ORC4: variants seen among roughly 807,000 people sequenced by gnomAD.
ORC4 encodes the protein origin recognition complex subunit 4.
Under a neutral mutation model 63.9 loss-of-function variants are expected in ORC4, and 55 were observed. That is an observed-to-expected ratio of 0.86 (90% confidence interval 0.69 to 1.08). ORC4 has a LOEUF of 1.08. Ranked by LOEUF, ORC4 falls within the 50% of genes least tolerant of loss-of-function variation. The pLI, the probability that ORC4 is intolerant of heterozygous loss-of-function variation, is 0.00. For synonymous variants in ORC4, 150 were observed against 168.5 expected, an observed-to-expected ratio of 0.89 and a Z score of 0.85; for missense variants, 511 against 504.4, an observed-to-expected ratio of 1.01 and a Z score of -0.13.
At chr2:148,011,084 C>A (rs915719882) in intron 1 of ORC4, among the ~76,000 whole-genome samples, 1 of 152,108 alleles carries the variant, frequency 6.6e-6, no homozygotes, top group African/African-American at 2.4e-5. Flanking sequence ...CTGCCTCAGC[C>A]TCCCAAAGTT....
rs765200583 is a variant in ORC4, at chr2:147,952,406, G to T, written c.555C>A (p.Thr185=). Reference sequence around the variant, plus strand: ...ATGTAAGACCAATAACTGCTATTGGGGTCTGTGCAGACTGAGAAATGTCAA... The same window carrying T: ...ATGTAAGACCAATAACTGCTATTGGTGTCTGTGCAGACTGAGAAATGTCAA... ...NLFDISQSAQ[T]PIAVIGLTCR... Residue 185 remains threonine (T), a synonymous_variant, in exon 8 of 14, where the codon ACC becomes ACA. Coordinates refer to ENST00000392857, the MANE Select transcript of ORC4 (RefSeq NM_181741.4). 1 of 1,609,396 alleles carries T rather than the reference G, an allele frequency of 6.2e-7. No individual in the cohort carries two copies. Among genetic ancestry groups the T allele is most frequent in the East Asian group, 2.2e-5 (1 of 44,750 alleles).
At chr2:147,991,245 A>G (rs1402134930) in intron 1 of ORC4, among the ~76,000 whole-genome samples, 1 of 151,798 alleles carries the variant, frequency 6.6e-6, no homozygotes. Context: ...ATGGGGTTTC[A>G]CCATATTGGC....
chr2:147,953,269 T>C (rs967706553), intron 7 of ORC4, among the ~76,000 whole-genome samples: 9 of 151,382 alleles, frequency 5.9e-5, no homozygotes, highest in African/African-American at 2.2e-4. Context: ...CACACCATTG[T>C]ATTCTAGCCT....
intron 1 of ORC4, among the ~76,000 whole-genome samples, chr2:148,019,164 G>A (rs765532720): frequency 6.6e-6 from 1 of 151,940 alleles, no homozygotes; most frequent in Non-Finnish European, 1.5e-5. Flanking sequence ...TGATTCCATC[G>A]GACATGATTA....
rs1045498245 is a variant in ORC4 at position 147,931,367 on chromosome 2, T to C, written c.*4143A>G. 5 of 152,080 alleles carry C rather than the reference T, an allele frequency of 3.3e-5. No individual in the cohort carries two copies. Among genetic ancestry groups the C allele is most frequent in the African/African-American group, 7.2e-5 (3 of 41,414 alleles). The allele number at this position is 152,080 out of a possible 1,614,324, so 9.4% of individuals were successfully genotyped here. ...CATGATTTATAGTCCTTTGGGTATA[T>C]ACCCAGTAATGGGATGGCTGGGTCA... On this transcript the variant is annotated 3_prime_UTR_variant, in exon 14 of 14. Coordinates refer to ENST00000392857, the MANE Select transcript of ORC4 (RefSeq NM_181741.4).
Position 147,948,165 on chromosome 2 carries a change from G to A in ORC4, c.648C>T (p.His216=). The change falls in exon 9 of 14, where the codon CAC becomes CAT. Residue 216 remains histidine, a synonymous_variant. Transcript: ENST00000392857. The part of the protein sequence containing the change: ...VKSRFSHRQI[H]LMNSFGFPQY... ...GTGGAAAACCAAATGAATTCATTAA[G>A]TGTATCTGCCGGTGAGAAAATCTTG... 1.2e-6 allele frequency: 2 copies of A among 1,610,212 alleles called. No individual in the cohort carries two copies. Among genetic ancestry groups the A allele is most frequent in the Non-Finnish European group, 8.5e-7 (1 of 1,177,168 alleles).
intron 1 of ORC4, among the ~76,000 whole-genome samples, chr2:147,990,565 T>A (rs892124292): frequency 1.3e-5 from 2 of 152,350 alleles, no homozygotes; most frequent in African/African-American, 4.8e-5. Flanking sequence ...CTATATCAAG[T>A]TGGGGCACAG....
intron 3 of ORC4, 91 bp from the exon 4 acceptor site, chr2:147,972,920 C>G: frequency 1.2e-6 from 1 of 811,012 alleles, no homozygotes; most frequent in Non-Finnish European, 2.1e-6. Context: ...TGAATATGCA[C>G]AGAAATTTCC....
chr2:148,003,784 T>G (rs1276253979), intron 1 of ORC4, among the ~76,000 whole-genome samples: 3 of 152,098 alleles, frequency 2.0e-5, no homozygotes, highest in African/African-American at 7.2e-5. Context: ...GAGAAAGAAA[T>G]AAAAGGTATT....
chr2:148,021,481 T>TTGCTGCTGCTGCTGC (rs773118482), upstream of ORC4: 24 of 573,530 alleles, frequency 4.2e-5, 3 homozygotes, highest in Admixed American at 1.7e-4. Flanking sequence ...GCTGCTGCTG[T>TTGCTGCTGCTGCTGC]TGCTGCTGCT....
Position 147,939,265 on chromosome 2 carries a change from C to A in ORC4, c.850-17G>T. The stretch of plus-strand genomic sequence containing the variant: ...AGCAAGCATCTAGGGAAAGACAGAT[C>A]AGAAAAACAATTACGTATTTACATG... On this transcript the variant is annotated splice_polypyrimidine_tract_variant and intron_variant, in intron 10 of 13. Coordinates refer to ENST00000392857, the MANE Select transcript of ORC4 (RefSeq NM_181741.4). 2 of 1,527,500 alleles carry A rather than the reference C, an allele frequency of 1.3e-6. No homozygotes were observed. Among genetic ancestry groups the A allele is most frequent in the Non-Finnish European group, 1.8e-6 (2 of 1,101,658 alleles). The allele number at this position is 1,527,500 out of a possible 1,614,324, so 94.6% of individuals were successfully genotyped here. A position where few individuals can be genotyped will look rare whatever the true frequency, so the allele number is the denominator to read the frequency against.
At chr2:148,007,000 T>C (rs1299419212) in intron 1 of ORC4, among the ~76,000 whole-genome samples, 9 of 152,180 alleles carry the variant, frequency 5.9e-5, no homozygotes, top group Non-Finnish European at 1.5e-5. Context: ...CCAATTATCT[T>C]CCCAAGTCCA....
In ORC4 at chr2:147,935,499, A is replaced by T; in HGVS notation, c.*11T>A. 1 of 1,598,650 alleles carries T rather than the reference A, an allele frequency of 6.3e-7. No homozygotes were observed. Among genetic ancestry groups the T allele is most frequent in the African/African-American group, 1.3e-5 (1 of 74,732 alleles). The stretch of plus-strand genomic sequence containing the variant: ...TGAATGAAATGCCAAAGTTGAAGTC[A>T]CTGGTTATATTCATAACCAGCTTAG... On this transcript the variant is annotated 3_prime_UTR_variant, in exon 14 of 14. Coordinates refer to ENST00000392857, the MANE Select transcript of ORC4 (RefSeq NM_181741.4).
chr2:147,976,962 TAA>T (rs1366533702), intron 1 of ORC4, among the ~76,000 whole-genome samples: 1 of 152,192 alleles, frequency 6.6e-6, no homozygotes, highest in East Asian at 1.9e-4. Flanking sequence ...GACCTTTGAC[TAA>T]AAGACCTAAT....
intron 6 of ORC4, among the ~76,000 whole-genome samples, chr2:147,956,405 A>G (rs921861602): frequency 6.6e-6 from 1 of 152,056 alleles, no homozygotes; most frequent in African/African-American, 2.4e-5. Flanking sequence ...TTTTTGCTTA[A>G]AAGATTATTA....
chr2:147,952,512 C>A lies in ORC4; in HGVS notation c.449G>T (p.Ser150Ile). ...LEALKKGDRTSSCPVIFILDE... is the reference protein window; with the variant it reads ...LEALKKGDRTISCPVIFILDE... Reference sequence around the variant, plus strand: ...TAATATGAAGATCACTGGGCAACTGCTAGTTCGGTCACCTAAGATAAAATA... The same window carrying A: ...TAATATGAAGATCACTGGGCAACTGATAGTTCGGTCACCTAAGATAAAATA... Residue 150 changes from serine (S) to isoleucine (I), a missense_variant, in exon 8 of 14, where the codon AGC becomes ATC. By Grantham distance (142) the Ser-to-Ile change is moderately radical (BLOSUM62 -2). Coordinates refer to ENST00000392857, the MANE Select transcript of ORC4 (RefSeq NM_181741.4). 1 of 1,610,276 alleles carries A rather than the reference C, an allele frequency of 6.2e-7. No homozygotes were observed. The highest frequency in any genetic ancestry group is 1.1e-5 in the South Asian group (1 of 90,990).
chr2:147,978,558 G>C (rs184574252), intron 1 of ORC4, among the ~76,000 whole-genome samples: 89 of 152,286 alleles, frequency 5.8e-4, no homozygotes, highest in Non-Finnish European at 8.4e-4. Flanking sequence ...TCAGACCATA[G>C]CCAAGTTAAA....
intron 1 of ORC4, among the ~76,000 whole-genome samples, chr2:148,018,578 CTTA>C (rs947208412): frequency 9.0e-5 from 12 of 133,182 alleles, no homozygotes; most frequent in African/African-American, 3.0e-4. Flanking sequence ...TTATACTATA[CTTA>C]TTATACTATA....
chr2:147,935,795 A>G, intron 13 of ORC4, 97 bp from the exon 14 acceptor site: 1 of 1,027,794 alleles, frequency 9.7e-7, no homozygotes, highest in Non-Finnish European at 1.5e-6. Context: ...GGTCAGCTGC[A>G]GAACAGAGTA....
Sources: gnomAD v4.1 joint callset for allele counts (sites outside exome capture counted in the v4.1 genomes callset) on GRCh38, gnomAD v4.1.1 for gene constraint, MANE v1.5 for transcripts, NCBI Gene and HGNC (gene_info 2026-07-23, HGNC 2026-07-21) for gene names.